NOL10: variants seen among roughly 807,000 people sequenced by gnomAD.
The protein encoded by NOL10 is H_NH0074G24.1.
A neutral mutation model predicts 103.5 loss-of-function variants in NOL10; 58 were observed. That is an observed-to-expected ratio of 0.56 (90% CI 0.45 to 0.70). NOL10 has a LOEUF of 0.70. NOL10 is among the 30% of genes least tolerant of loss of function. The probability of loss-of-function intolerance (pLI) is 0.00; values close to 1 mark genes in which losing one functional copy is unlikely to be tolerated. For missense variants in NOL10, 763 were observed against 807.3 expected (o/e 0.95, Z 0.67); for synonymous variants, 287 against 282.5 (o/e 1.02, Z -0.16).
At chr2:10,594,101 C>T (rs1408080268) in intron 17 of NOL10, among the ~76,000 whole-genome samples, 1 of 151,954 alleles carries the variant, frequency 6.6e-6, no homozygotes. Context: ...CAAGAAAATT[C>T]CCCAGCACTG....
intron 11 of NOL10, among the ~76,000 whole-genome samples, chr2:10,655,039 G>A (rs754060966): frequency 4.0e-5 from 6 of 151,646 alleles, no homozygotes; most frequent in East Asian, 1.9e-4. Context: ...GTGAAACTCC[G>A]ACTCTACTAA....
At chr2:10,624,711 C>G (rs1407233343) in intron 13 of NOL10, among the ~76,000 whole-genome samples, 2 of 151,994 alleles carry the variant, frequency 1.3e-5, no homozygotes, top group African/African-American at 4.8e-5. Context: ...GGAGGACCAT[C>G]TGGCAATTTC....
At chr2:10,631,903 G>A (rs1291237583) in intron 13 of NOL10, among the ~76,000 whole-genome samples, 2 of 152,024 alleles carry the variant, frequency 1.3e-5, no homozygotes, top group African/African-American at 2.4e-5. Context: ...TAGTAGAGAC[G>A]GGGTTTCTCC....
chr2:10,671,735 G>T, intron 5 of NOL10, 45 bp from the exon 6 acceptor site: 1 of 1,436,144 alleles, frequency 7.0e-7, no homozygotes, highest in South Asian at 1.3e-5. Context: ...TTTCTAGTTA[G>T]GTGTTTACTT....
intron 13 of NOL10, among the ~76,000 whole-genome samples, chr2:10,612,007 T>C (rs888406818): frequency 2.6e-5 from 4 of 151,934 alleles, no homozygotes; most frequent in Admixed American, 2.0e-4. Context: ...TAGTCCCAAA[T>C]ATTATCCCAG....
intron 6 of NOL10, among the ~76,000 whole-genome samples, chr2:10,670,111 T>C (rs993326450): frequency 2.0e-5 from 3 of 152,052 alleles, no homozygotes; most frequent in Non-Finnish European, 2.9e-5. Context: ...TACTGTGCAA[T>C]AGGGCTAAGA....
chr2:10,676,610 C>T (rs1271322502), intron 3 of NOL10, among the ~76,000 whole-genome samples: 1 of 148,916 alleles, frequency 6.7e-6, no homozygotes, highest in African/African-American at 2.5e-5. Flanking sequence ...CAATTTTGTA[C>T]AATGAAATGG....
At chr2:10,608,401 T>G (rs928551620) in intron 13 of NOL10, among the ~76,000 whole-genome samples, 7 of 152,224 alleles carry the variant, frequency 4.6e-5, no homozygotes, top group African/African-American at 1.7e-4. Context: ...ACATTTTTGC[T>G]ATTGATACAA....
chr2:10,689,803 A>G lies in NOL10; in HGVS notation c.59T>C (p.Leu20Pro). 6.2e-7 allele frequency: 1 copy of G among 1,604,786 alleles called. No homozygotes were observed. The highest frequency in any genetic ancestry group is 8.5e-7 in the Non-Finnish European group (1 of 1,175,884). Residue 20 changes from leucine (L) to proline (P), a missense_variant, in exon 1 of 21, where the codon CTT becomes CCT. Coordinates refer to ENST00000381685, the MANE Select transcript of NOL10 (RefSeq NM_024894.4). ...GGCCGGGAAGTGACTCACCTCAGGA[A>G]GGGACTTGCCGCAGCTGAGGCTGTA... ...KIYSLSCGKS[L>P]PEWLSDRKKR...
intron 5 of NOL10, among the ~76,000 whole-genome samples, chr2:10,672,421 G>C (rs1258666838): frequency 6.6e-6 from 1 of 152,094 alleles, no homozygotes; most frequent in Non-Finnish European, 1.5e-5. Flanking sequence ...GTGTACTAAA[G>C]GGGTATCTTA....
chr2:10,672,542 A>C (rs535843828), intron 5 of NOL10, among the ~76,000 whole-genome samples: 1 of 152,202 alleles, frequency 6.6e-6, no homozygotes, highest in Non-Finnish European at 1.5e-5. Context: ...CAAAAGGATA[A>C]GCTGTACCCC....
intron 13 of NOL10, among the ~76,000 whole-genome samples, chr2:10,610,714 C>A (rs913697547): frequency 2.0e-5 from 3 of 152,212 alleles, no homozygotes; most frequent in African/African-American, 7.2e-5. Flanking sequence ...GATGTAGCTA[C>A]ATCACAGCGT....
intron 20 of NOL10, among the ~76,000 whole-genome samples, chr2:10,575,881 G>A (rs1005449892): frequency 5.9e-5 from 9 of 152,222 alleles, no homozygotes; most frequent in African/African-American, 1.9e-4. Flanking sequence ...CAGGCACAAT[G>A]AGGTCCCTCT....
At chr2:10,675,956 A>G in intron 3 of NOL10, 85 bp from the exon 4 acceptor site, 2 of 626,426 alleles carry the variant, frequency 3.2e-6, no homozygotes, top group Non-Finnish European at 5.3e-6. Context: ...CTTCTTGTTC[A>G]GAGACAGGCA....
At chr2:10,636,613 GAA>G (rs56763235) in intron 13 of NOL10, among the ~76,000 whole-genome samples, 5,612 of 144,218 alleles carry the variant, frequency 0.039, 211 homozygotes, top group African/African-American at 0.097. Flanking sequence ...TTCAATCAAA[GAA>G]AAAAAAAAAA....
chr2:10,647,503 C>A (rs150182588), intron 12 of NOL10, among the ~76,000 whole-genome samples: 1 of 152,328 alleles, frequency 6.6e-6, no homozygotes, highest in East Asian at 1.9e-4. Flanking sequence ...GACGTATCAA[C>A]GTGCAGTGGA....
chr2:10,680,183 A>G (rs913497546), intron 3 of NOL10, among the ~76,000 whole-genome samples: 1 of 152,088 alleles, frequency 6.6e-6, no homozygotes. Context: ...AGACTGACAC[A>G]GGAGAATCGC....
At chr2:10,574,586 G>C (rs995914796) in intron 20 of NOL10, among the ~76,000 whole-genome samples, 2 of 148,386 alleles carry the variant, frequency 1.3e-5, no homozygotes, top group African/African-American at 5.0e-5. Context: ...GGTGGAGCGT[G>C]CATTGAGCAG....
intron 12 of NOL10, among the ~76,000 whole-genome samples, chr2:10,648,942 G>T (rs1221148991): frequency 6.6e-6 from 1 of 151,442 alleles, no homozygotes; most frequent in African/African-American, 2.4e-5. Flanking sequence ...TTATATCCTG[G>T]TTCAAAAAAA....
Sources: allele counts gnomAD v4.1 joint callset (sites outside exome capture counted in the v4.1 genomes callset), GRCh38; gene constraint gnomAD v4.1.1; transcripts MANE v1.5; gene names NCBI Gene and HGNC (gene_info 2026-07-23, HGNC 2026-07-21).